The following SNX25 variants were observed in gnomAD, a reference collection of about 807,000 sequenced individuals.
SNX25 encodes the protein sorting nexin-25.
SNX25 carries 62 observed loss-of-function variants against 113.7 expected under a neutral mutation model. The ratio of observed to expected loss-of-function variants is 0.55; its 90% CI spans 0.44 to 0.67. The LOEUF is 0.67. Among genes scored for constraint, SNX25 ranks in the 30% least tolerant of loss-of-function variants. The probability of loss-of-function intolerance (pLI) is 0.00; values close to 1 mark genes in which losing one functional copy is unlikely to be tolerated. For synonymous variants in SNX25, 421 were observed against 436.2 expected (o/e 0.97, Z 0.43); for missense variants, 1,014 against 1,161.0 (o/e 0.87, Z 1.84).
intron 11 of SNX25, among the ~76,000 whole-genome samples, chr4:185,341,546 T>C (rs2095259894): frequency 1.3e-5 from 2 of 152,344 alleles, no homozygotes; most frequent in African/African-American, 4.8e-5. Flanking sequence ...TCCCTGCTGA[T>C]TGTATCACAG....
intron 1 of SNX25, among the ~76,000 whole-genome samples, chr4:185,220,399 A>G (rs192243964): frequency 6.6e-6 from 1 of 151,502 alleles, no homozygotes; most frequent in East Asian, 1.9e-4. Flanking sequence ...GTCATTTAGC[A>G]TTAGGTATAT....
At chr4:185,340,631 T>A (rs887098675) in intron 11 of SNX25, among the ~76,000 whole-genome samples, 2 of 152,204 alleles carry the variant, frequency 1.3e-5, no homozygotes, top group Non-Finnish European at 2.9e-5. Context: ...TACAAGAGGC[T>A]GCTGGAGGAC....
upstream of SNX25, among the ~76,000 whole-genome samples, chr4:185,207,210 CTT>C (rs34373262): frequency 0.1 from 7,557 of 75,254 alleles, 61 homozygotes; most frequent in Non-Finnish European, 0.11. Context: ...ACCAGTCACA[CTT>C]TTTTTTTTTT....
intron 14 of SNX25, 40 bp from the exon 15 acceptor site, chr4:185,353,445 G>A (rs142784144): frequency 6.8e-5 from 102 of 1,505,208 alleles, no homozygotes; most frequent in Non-Finnish European, 9.2e-5. Flanking sequence ...AATTTTCTTG[G>A]ATAAGTTATC....
intron 2 of SNX25, among the ~76,000 whole-genome samples, chr4:185,248,891 T>C (rs1163960712): frequency 6.6e-6 from 1 of 152,224 alleles, no homozygotes; most frequent in African/African-American, 2.4e-5. Context: ...TAAAACTTTA[T>C]GGAAATGGAA....
chr4:185,294,422 C>G (rs1285379781), intron 6 of SNX25, among the ~76,000 whole-genome samples: 7 of 152,062 alleles, frequency 4.6e-5, no homozygotes, highest in African/African-American at 1.7e-4. Flanking sequence ...ATTGAGTGCT[C>G]TAGATAATCA....
intron 1 of SNX25, among the ~76,000 whole-genome samples, chr4:185,225,024 T>C (rs760499150): frequency 2.0e-4 from 30 of 152,136 alleles, no homozygotes; most frequent in Non-Finnish European, 4.4e-4. Flanking sequence ...GTTTCTTGAC[T>C]TCCTCTATGG....
intron 5 of SNX25, among the ~76,000 whole-genome samples, chr4:185,281,079 A>G (rs1341640305): frequency 6.6e-6 from 1 of 151,912 alleles, no homozygotes; most frequent in Admixed American, 6.6e-5. Flanking sequence ...GAGACGCCCC[A>G]CAGCTTCCAC....
intron 5 of SNX25, among the ~76,000 whole-genome samples, chr4:185,282,826 C>T (rs1010029345): frequency 6.6e-6 from 1 of 152,166 alleles, no homozygotes; most frequent in Non-Finnish European, 1.5e-5. Context: ...AACATCAGCC[C>T]TCCTGATTCT....
At chr4:185,297,320 A>G (rs1050881696) in intron 6 of SNX25, among the ~76,000 whole-genome samples, 27 of 152,184 alleles carry the variant, frequency 1.8e-4, no homozygotes, top group African/African-American at 6.0e-4. Flanking sequence ...TTCCATCATT[A>G]CAGAGGTTAT....
chr4:185,376,219 C>G, the SNX25 span, among the ~76,000 whole-genome samples: 1 of 152,156 alleles, frequency 6.6e-6, no homozygotes, highest in African/African-American at 2.4e-5. Flanking sequence ...AAAGCTTCCC[C>G]TAAGTACTAG....
At position 185,362,006 on chromosome 4, in the gene SNX25, C is replaced by T; in HGVS notation, c.2734C>T (p.Pro912Ser). The T allele has an allele frequency of 6.2e-7, 1 of 1,613,748 alleles. No homozygotes were observed. Among genetic ancestry groups the T allele is most frequent in the Non-Finnish European group, 8.5e-7 (1 of 1,179,888 alleles). ...CAATATTTTCCGGGATGCTTTTTGG[C>T]CAAATGGGAAGTTGGCACCACCGAC... is the stretch of plus-strand genomic sequence containing the variant. ...YINIFRDAFW[P>S]NGKLAPPTTI... is the part of the protein sequence containing the mutation. Residue 912 changes from proline to serine, a missense_variant, in exon 17 of 19, where the codon CCA becomes TCA. Physicochemically the swap from Pro to Ser is moderately conservative, Grantham distance 74 (BLOSUM62 -1). Coordinates refer to ENST00000652585, the MANE Select transcript of SNX25 (RefSeq NM_001378034.2).
At chr4:185,294,318 G>A (rs1470378783) in intron 6 of SNX25, among the ~76,000 whole-genome samples, 1 of 152,152 alleles carries the variant, frequency 6.6e-6, no homozygotes, top group Non-Finnish European at 1.5e-5. Flanking sequence ...GGGACTTGGG[G>A]GCCTTGGTTC....
At chr4:185,370,667 T>C, downstream of SNX25, 1 of 1,614,094 alleles carries the variant, frequency 6.2e-7, no homozygotes, top group South Asian at 1.1e-5. Context: ...TAGCGGTTGT[T>C]TCATCCCTGG....
chr4:185,239,348 T>C (rs1157989221), intron 1 of SNX25, among the ~76,000 whole-genome samples: 2 of 151,988 alleles, frequency 1.3e-5, no homozygotes, highest in Non-Finnish European at 1.5e-5. Flanking sequence ...CCGGGCGTGG[T>C]GGTGGGCACC....
At chr4:185,367,064 A>G, downstream of SNX25, 1 of 912,274 alleles carries the variant, frequency 1.1e-6, no homozygotes, top group Non-Finnish European at 1.7e-6. Context: ...TGTCACCTGT[A>G]AAATACCCAG....
chr4:185,224,189 A>G (rs1397985135), intron 1 of SNX25, among the ~76,000 whole-genome samples: 1 of 151,944 alleles, frequency 6.6e-6, no homozygotes, highest in Non-Finnish European at 1.5e-5. Flanking sequence ...TGTCTCTACT[A>G]GAAATACAAA....
chr4:185,353,400 G>T, intron 14 of SNX25, 85 bp from the exon 15 acceptor site: 1 of 987,464 alleles, frequency 1.0e-6, no homozygotes, highest in Non-Finnish European at 1.6e-6. Context: ...CAGATAGTTT[G>T]GAATTTACAC....
At chr4:185,378,165 A>G in the SNX25 span, 485 of 1,614,106 alleles carry the variant, frequency 3.0e-4, 2 homozygotes, top group African/African-American at 5.9e-3. Flanking sequence ...TTCTTGGGCA[A>G]CTTTTCACTG....
Sources: gnomAD v4.1 joint callset for allele counts (sites outside exome capture counted in the v4.1 genomes callset) on GRCh38, gnomAD v4.1.1 for gene constraint, MANE v1.5 for transcripts, NCBI Gene and HGNC (gene_info 2026-07-23, HGNC 2026-07-21) for gene names.